The following TSHZ1 variants were observed in gnomAD, a reference collection of about 807,000 sequenced individuals.
TSHZ1 encodes teashirt zinc finger homeobox 1, also known as teashirt homolog 1.
Under a neutral mutation model 67.1 loss-of-function variants are expected in TSHZ1, and 12 were observed. The ratio of observed to expected loss-of-function variants is 0.18; its 90% CI spans 0.11 to 0.29. The LOEUF (loss-of-function observed/expected upper bound fraction) is 0.29. TSHZ1 is among the 10% of genes least tolerant of loss of function. The probability of loss-of-function intolerance (pLI) is 1.00; values close to 1 mark genes in which losing one functional copy is unlikely to be tolerated. For synonymous variants in TSHZ1, 632 were observed against 622.4 expected (o/e 1.02, Z -0.23); for missense variants, 1,305 against 1,413.9 (o/e 0.92, Z 1.23).
At chr18:75,255,037 T>G (rs1162583757) in intron 1 of TSHZ1, among the ~76,000 whole-genome samples, 1 of 152,238 alleles carries the variant, frequency 6.6e-6, no homozygotes, top group Non-Finnish European at 1.5e-5. Context: ...TATGGACACA[T>G]TTTTTGCATA....
Position 75,240,788 on chromosome 18 carries a change from A to C in TSHZ1, c.40+28872A>C, listed in dbSNP as rs1367662514. ...CTTCTCCTGTACCATAAGGTACTTC[A>C]ACAAAAGGATCCCATTGCACAATGT... On this transcript the variant is annotated intron_variant, in intron 1 of 1. Coordinates refer to ENST00000580243, the MANE Select transcript of TSHZ1 (RefSeq NM_001308210.2). 3.9e-5 allele frequency among the ~76,000 whole-genome samples: 6 copies of C among 152,158 alleles called. No individual in the cohort carries two copies. The East Asian group carries it at 1.2e-3, about 29-fold the overall frequency.
Position 75,287,791 on chromosome 18 carries a change from C to A in TSHZ1, c.2384C>A (p.Ala795Asp). 1 of 1,614,160 alleles carries A rather than the reference C, an allele frequency of 6.2e-7. No homozygotes were observed. Among genetic ancestry groups the A allele is most frequent in the Non-Finnish European group, 8.5e-7 (1 of 1,180,046 alleles). ...TACCCCGCCACCCCTGTGAAGCAGG[C>A]CGATGCCATCGACCGCTACTATTAT... ...PVYPATPVKQ[A>D]DAIDRYYYEN... is the part of the protein sequence containing the mutation. The change falls in exon 2 of 2, where the codon GCC (alanine) becomes GAC (aspartate). Residue 795 changes from alanine (A) to aspartate (D), a missense_variant. Ala to Asp is a moderately radical substitution (Grantham distance 126). Coordinates refer to ENST00000580243, the MANE Select transcript of TSHZ1 (RefSeq NM_001308210.2). The surrounding 1 kb of genome is among the most constrained non-coding windows in gnomAD (Gnocchi z 5.0).
At chr18:75,265,018 G>C (rs562576744) in intron 1 of TSHZ1, among the ~76,000 whole-genome samples, 1 of 152,154 alleles carries the variant, frequency 6.6e-6, no homozygotes, top group Non-Finnish European at 1.5e-5. Flanking sequence ...CGTTAAATAT[G>C]CTTCTGTTTT....
At chr18:75,232,408 GCCTTTTAGAC>G (rs2122536604) in intron 1 of TSHZ1, among the ~76,000 whole-genome samples, 1 of 152,258 alleles carries the variant, frequency 6.6e-6, no homozygotes, top group East Asian at 1.9e-4. Context: ...TTTGCTGATG[GCCTTTTAGAC>G]CATGTAGCTG....
intron 1 of TSHZ1, among the ~76,000 whole-genome samples, chr18:75,235,077 G>A (rs980522215): frequency 6.6e-6 from 1 of 152,112 alleles, no homozygotes; most frequent in Non-Finnish European, 1.5e-5. Context: ...TGTCACACCC[G>A]TGTTGTGAGA....
intron 1 of TSHZ1, among the ~76,000 whole-genome samples, chr18:75,265,272 G>A (rs1474110065): frequency 6.6e-6 from 1 of 152,234 alleles, no homozygotes; most frequent in African/African-American, 2.4e-5. Context: ...CGTCATGTAT[G>A]TGTGCTTGAG....
At position 75,286,926 on chromosome 18, in the gene TSHZ1, C is replaced by G. The variant is rs768927257; in HGVS notation, c.1519C>G (p.Pro507Ala). ...EEKKEPEKEK[P>A]PVAGDAEKIK... ...AAAGAAAGAGCCAGAGAAGGAGAAG[C>G]CGCCTGTGGCTGGCGACGCGGAGAA... The change falls in exon 2 of 2, where the codon CCG (proline) becomes GCG (alanine). Residue 507 changes from proline to alanine, a missense_variant. This residue lies in a region of TSHZ1 where 909 missense variants were observed against 961.8 expected (regional missense o/e 0.95). Coordinates refer to ENST00000580243, the MANE Select transcript of TSHZ1 (RefSeq NM_001308210.2). This position sits in a 1 kb window ranked among gnomAD's most constrained non-coding sequence, Gnocchi z 5.1. The G allele has an allele frequency of 6.2e-7, 1 of 1,614,156 alleles. No homozygotes were observed. The highest frequency in any genetic ancestry group is 8.5e-7 in the Non-Finnish European group (1 of 1,180,010).
chr18:75,214,908 G>C (rs760997912), intron 1 of TSHZ1, among the ~76,000 whole-genome samples: 1 of 152,016 alleles, frequency 6.6e-6, no homozygotes, highest in Non-Finnish European at 1.5e-5. Context: ...TTTGCATCCC[G>C]CTTGATGTAA....
intron 1 of TSHZ1, among the ~76,000 whole-genome samples, chr18:75,270,366 G>A (rs1267713843): frequency 6.6e-6 from 1 of 152,216 alleles, no homozygotes; most frequent in East Asian, 1.9e-4. Flanking sequence ...CAGAGGAAGG[G>A]TTCAACAGAT....
intron 1 of TSHZ1, among the ~76,000 whole-genome samples, chr18:75,256,487 C>T (rs1473715857): frequency 6.6e-6 from 1 of 152,188 alleles, no homozygotes; most frequent in East Asian, 1.9e-4. Context: ...ATATCATTGC[C>T]TTTACTGGAT....
chr18:75,217,786 A>G (rs1371539947), intron 1 of TSHZ1, among the ~76,000 whole-genome samples: 1 of 152,218 alleles, frequency 6.6e-6, no homozygotes, highest in Non-Finnish European at 1.5e-5. Context: ...GAGATTGAGT[A>G]TTCTCAAGTG....
chr18:75,228,237 G>A (rs532958995), intron 1 of TSHZ1, among the ~76,000 whole-genome samples: 1 of 152,338 alleles, frequency 6.6e-6, no homozygotes, highest in African/African-American at 2.4e-5. Flanking sequence ...GTCCTGTTCT[G>A]TGGGTTCCAC....
intron 1 of TSHZ1, among the ~76,000 whole-genome samples, chr18:75,235,518 ATTTG>A (rs1319313274): frequency 1.3e-5 from 2 of 152,054 alleles, no homozygotes; most frequent in African/African-American, 2.4e-5. Context: ...TGGCCCATTC[ATTTG>A]TTTATCTATC....
In TSHZ1 at chr18:75,288,653, G is replaced by A. The variant is rs751255611; in HGVS notation, c.*12G>A. The A allele has an allele frequency of 6.6e-5, 103 of 1,567,400 alleles. 1 individual carries two copies. The East Asian group carries it at 2.3e-3, about 35-fold the overall frequency. Reference sequence around the variant, plus strand: ...TGGAGAAACAGTAGCGTCCAGGTATGCAAGAGACCGCGGAACATTGCACTA... The same window carrying A: ...TGGAGAAACAGTAGCGTCCAGGTATACAAGAGACCGCGGAACATTGCACTA... On this transcript the variant is annotated 3_prime_UTR_variant, in exon 2 of 2. Coordinates refer to ENST00000580243, the MANE Select transcript of TSHZ1 (RefSeq NM_001308210.2). This position sits in a 1 kb window ranked among gnomAD's most constrained non-coding sequence, Gnocchi z 4.9.
At chr18:75,274,371 G>A (rs545071909) in intron 1 of TSHZ1, among the ~76,000 whole-genome samples, 155 of 152,194 alleles carry the variant, frequency 1.0e-3, no homozygotes, top group Middle Eastern at 6.8e-3. Context: ...GGCTGGTGAC[G>A]CCAACGGTGA....
intron 1 of TSHZ1, among the ~76,000 whole-genome samples, chr18:75,222,260 T>C (rs1056159792): frequency 6.6e-6 from 1 of 152,032 alleles, no homozygotes; most frequent in African/African-American, 2.4e-5. Flanking sequence ...TGAACTGGTA[T>C]TATTTGTCAA....
intron 1 of TSHZ1, among the ~76,000 whole-genome samples, chr18:75,226,571 CTTT>C (rs34040466): frequency 7.1e-6 from 1 of 141,286 alleles, no homozygotes; most frequent in African/African-American, 2.6e-5. Context: ...TGTTTTTCAA[CTTT>C]TTTTTTTTTT....
intron 1 of TSHZ1, among the ~76,000 whole-genome samples, chr18:75,262,874 G>A (rs1032444507): frequency 6.6e-6 from 1 of 152,062 alleles, no homozygotes; most frequent in Non-Finnish European, 1.5e-5. Flanking sequence ...TCTGACCTTC[G>A]AGGGGCTCAG....
Position 75,231,445 on chromosome 18 carries a change from A to G in TSHZ1, c.40+19529A>G, listed in dbSNP as rs569933480. Reference sequence around the variant, plus strand: ...ACTACACCAGAACACTGTGAGTCTCATTAGCATTGTTGACCCCAAGAAGAC... The same window carrying G: ...ACTACACCAGAACACTGTGAGTCTCGTTAGCATTGTTGACCCCAAGAAGAC... On this transcript the variant is annotated intron_variant, in intron 1 of 1. Coordinates refer to ENST00000580243, the MANE Select transcript of TSHZ1 (RefSeq NM_001308210.2). Among the ~76,000 whole-genome samples the G allele has an allele frequency of 2.6e-5, 4 of 152,324 alleles. No individual in the cohort carries two copies. In the East Asian group the frequency reaches 5.8e-4, roughly 22 times the overall value.
Sources: gnomAD v4.1 joint callset for allele counts (sites outside exome capture counted in the v4.1 genomes callset) on GRCh38, gnomAD v4.1.1 for gene constraint, gnomAD v4.1.1 regional missense constraint, Gnocchi (gnomAD v3.1) non-coding constraint, MANE v1.5 for transcripts, NCBI Gene and HGNC (gene_info 2026-07-23, HGNC 2026-07-21) for gene names.